EFR3B: variants seen among roughly 807,000 people sequenced by gnomAD.
EFR3B encodes protein EFR3 homolog B.
In EFR3B, 64 loss-of-function variants were observed where a neutral mutation model predicts 104.7. That is an observed-to-expected ratio of 0.61 (90% CI 0.50 to 0.75). The LOEUF is 0.75. Among genes scored for constraint, EFR3B ranks in the 30% least tolerant of loss-of-function variants. The pLI, the probability that EFR3B is intolerant of heterozygous loss-of-function variation, is 0.00. For synonymous variants in EFR3B, 385 were observed against 417.9 expected (o/e 0.92, Z 0.96); for missense variants, 750 against 1,078.5 (o/e 0.70, Z 4.27).
At chr2:25,081,417 A>T in intron 1 of EFR3B, 1 of 1,267,418 alleles carries the variant, frequency 7.9e-7, no homozygotes, top group Admixed American at 1.7e-5. Context: ...TTTCTTCTGT[A>T]CCTACTTTTT....
chr2:25,046,506 CTT>C (rs531667109), intron 1 of EFR3B, among the ~76,000 whole-genome samples: 148 of 119,068 alleles, frequency 1.2e-3, no homozygotes, highest in Middle Eastern at 4.2e-3. Flanking sequence ...AGTACAAAGT[CTT>C]TTTTTTTTTT....
rs551032820 is a variant in EFR3B at position 25,136,538 on chromosome 2, C to A, written c.1500C>A (p.Ile500=). Residue 500 remains isoleucine (I), a synonymous_variant, in exon 14 of 23, where the codon ATC becomes ATA. Transcript: ENST00000403714. This position sits in a 1 kb window ranked among gnomAD's most constrained non-coding sequence, Gnocchi z 4.0. The stretch of plus-strand genomic sequence containing the variant: ...CCCTTCCCAGTACCCTCAGTGACAT[C>A]TCTGTCCTGAAGCTGAAAGTGGACA... ...KFSTISTLSD[I]SVLKLKVDKC... The A allele has an allele frequency of 4.8e-5, 74 of 1,551,552 alleles. No homozygotes were observed. In the Admixed American group the frequency reaches 6.3e-4, roughly 13 times the overall value.
chr2:25,137,410 G>T lies in EFR3B; in HGVS notation c.1630G>T (p.Glu544Ter), dbSNP rs773895355. The T allele has an allele frequency of 6.4e-7, 1 of 1,551,874 alleles. No individual in the cohort carries two copies. The highest frequency in any genetic ancestry group is 2.0e-5 in the Admixed American group (1 of 50,994). The stretch of plus-strand genomic sequence containing the variant: ...GGAAACAAACGTGCAGAAACACTAC[G>T]AGGCGCTCTATGGCTTGCTGGCCCT... Reference protein sequence around the residue: ...KEETNVQKHYEALYGLLALIS... With the variant: ...KEETNVQKHY The change falls in exon 15 of 23, where the codon GAG becomes TAG. Residue 544 changes from glutamate (E) to a stop codon, truncating the protein, a stop_gained. Coordinates refer to ENST00000403714, the MANE Select transcript of EFR3B (RefSeq NM_014971.2). LOFTEE classifies it high-confidence loss of function. This position sits in a 1 kb window ranked among gnomAD's most constrained non-coding sequence, Gnocchi z 4.7.
intron 1 of EFR3B, among the ~76,000 whole-genome samples, chr2:25,086,773 A>G (rs1668961930): frequency 6.6e-6 from 1 of 152,072 alleles, no homozygotes; most frequent in Non-Finnish European, 1.5e-5. Flanking sequence ...TTGTATCTTT[A>G]GTAGAGGCAG....
intron 4 of EFR3B, among the ~76,000 whole-genome samples, chr2:25,113,878 A>G (rs1669791366): frequency 6.6e-6 from 1 of 152,076 alleles, no homozygotes; most frequent in African/African-American, 2.4e-5. Context: ...GGTTACCCCT[A>G]TTTGAAAGAC....
chr2:25,133,299 C>T lies in EFR3B; in HGVS notation c.1260-84C>T, dbSNP rs1170988356. 41 of 1,418,196 alleles carry T rather than the reference C, an allele frequency of 2.9e-5. 2 individuals carry two copies. The South Asian group carries it at 3.9e-4, about 14-fold the overall frequency. The allele number at this position is 1,418,196 out of a possible 1,614,324, so 87.9% of individuals were successfully genotyped here. ...CAACACGATAAGCCTCATGGAGAAA[C>T]GAATTGGGGTAGAACTAAGCTGGCA... On this transcript the variant is annotated intron_variant, in intron 11 of 22. Coordinates refer to ENST00000403714, the MANE Select transcript of EFR3B (RefSeq NM_014971.2).
chr2:25,154,386 G>A lies in EFR3B; in HGVS notation c.*46G>A. ...TCAAGGAGATGGGGTCTGAGGAGGG[G>A]CTCACCTCACGCCCACCCCGACCAC... is the stretch of plus-strand genomic sequence containing the variant. On this transcript the variant is annotated 3_prime_UTR_variant, in exon 23 of 23. Coordinates refer to ENST00000403714, the MANE Select transcript of EFR3B (RefSeq NM_014971.2). The surrounding 1 kb of genome is among the most constrained non-coding windows in gnomAD (Gnocchi z 4.1). 1.3e-6 allele frequency: 2 copies of A among 1,498,662 alleles called. No individual in the cohort carries two copies. Among genetic ancestry groups the A allele is most frequent in the East Asian group, 2.5e-5 (1 of 40,596 alleles). 92.8% of individuals were successfully genotyped at this position (1,498,662 alleles called of 1,614,324 possible).
chr2:25,097,885 T>C (rs1208860422), intron 3 of EFR3B, among the ~76,000 whole-genome samples: 3 of 152,060 alleles, frequency 2.0e-5, no homozygotes. Context: ...GAATGCCATA[T>C]AAGACGCCGT....
chr2:25,103,861 G>A lies in EFR3B; in HGVS notation c.363+74G>A, dbSNP rs566418877. On this transcript the variant is annotated intron_variant, in intron 4 of 22. Transcript: ENST00000403714. Reference sequence around the variant, plus strand: ...GGTGGCAGGGGAGAGGGAGACCTCGGGGTCGGCACTGTCATGTTCTGTTCC... The same window carrying A: ...GGTGGCAGGGGAGAGGGAGACCTCGAGGTCGGCACTGTCATGTTCTGTTCC... 14 of 1,526,228 alleles carry A rather than the reference G, an allele frequency of 9.2e-6. No individual in the cohort carries two copies. The African/African-American group carries it at 1.8e-4, about 19-fold the overall frequency. The allele number at this position is 1,526,228 out of a possible 1,614,324, so 94.5% of individuals were successfully genotyped here.
At chr2:25,105,340 G>A (rs13009406) in intron 4 of EFR3B, among the ~76,000 whole-genome samples, 51,416 of 151,872 alleles carry the variant, frequency 0.34, 10,006 homozygotes, top group Non-Finnish European at 0.46. Flanking sequence ...TAGAAGAGAC[G>A]GGGTTTCACC....
intron 20 of EFR3B, among the ~76,000 whole-genome samples, chr2:25,150,713 C>T (rs1670980098): frequency 6.6e-6 from 1 of 151,628 alleles, no homozygotes; most frequent in East Asian, 1.9e-4. Context: ...CAGGTTCAAG[C>T]AATTCTCCTG....
In EFR3B at chr2:25,128,482, G is replaced by A; in HGVS notation, c.635+150G>A. The A allele has an allele frequency of 5.8e-6, 6 of 1,036,246 alleles. No homozygotes were observed. The South Asian group carries it at 8.1e-5, about 14-fold the overall frequency. The allele number at this position is 1,036,246 out of a possible 1,614,324, so 64.2% of individuals were successfully genotyped here. A position where few individuals can be genotyped will look rare whatever the true frequency, so the allele number is the denominator to read the frequency against. ...TTGTTCTGCAGTGAGTCCAAAGCTGGCTCCCTAGAAGCCATGGGTCTGACT... is the reference window on the plus strand; with the variant it reads ...TTGTTCTGCAGTGAGTCCAAAGCTGACTCCCTAGAAGCCATGGGTCTGACT... On this transcript the variant is annotated intron_variant, in intron 6 of 22. Coordinates refer to ENST00000403714, the MANE Select transcript of EFR3B (RefSeq NM_014971.2).
Position 25,042,515 on chromosome 2 carries a change from G to A in EFR3B, c.7+196G>A. ...AAAGATGCCTCGGGCCGGGGACCCTGGGGTCCTCTCCAGGCCCGGCGCGTG... is the reference window on the plus strand; with the variant it reads ...AAAGATGCCTCGGGCCGGGGACCCTAGGGTCCTCTCCAGGCCCGGCGCGTG... On this transcript the variant is annotated intron_variant, in intron 1 of 22. Coordinates refer to ENST00000403714, the MANE Select transcript of EFR3B (RefSeq NM_014971.2). This position sits in a 1 kb window ranked among gnomAD's most constrained non-coding sequence, Gnocchi z 5.4. 8.3e-7 allele frequency: 1 copy of A among 1,207,940 alleles called. No individual in the cohort carries two copies. Among genetic ancestry groups the A allele is most frequent in the Non-Finnish European group, 1.0e-6 (1 of 972,852 alleles). 74.8% of individuals were successfully genotyped at this position (1,207,940 alleles called of 1,614,324 possible). A position where few individuals can be genotyped will look rare whatever the true frequency, so the allele number is the denominator to read the frequency against.
At chr2:25,048,857 T>A (rs1327825033) in intron 1 of EFR3B, among the ~76,000 whole-genome samples, 1 of 152,236 alleles carries the variant, frequency 6.6e-6, no homozygotes, top group Non-Finnish European at 1.5e-5. Flanking sequence ...GTGTCTTTTC[T>A]TTTATCTCTG....
In EFR3B at chr2:25,131,918, CGCGGGGCCGGGCCGGG is replaced by C; in HGVS notation, c.1147+15_1147+30del. ...GCCGTCATCAAGACCGTGGGTGCGG[CGCGGGGCCGGGCCGGG>C]GCGGGGCGGGGCCGAGGCGCGGAGT... On this transcript the variant is annotated splice_region_variant and intron_variant, in intron 10 of 22. Coordinates refer to ENST00000403714, the MANE Select transcript of EFR3B (RefSeq NM_014971.2). The surrounding 1 kb of genome is among the most constrained non-coding windows in gnomAD (Gnocchi z 7.6). 1 of 1,206,500 alleles carries C rather than the reference CGCGGGGCCGGGCCGGG, an allele frequency of 8.3e-7. No homozygotes were observed. Among genetic ancestry groups the C allele is most frequent in the Non-Finnish European group, 1.1e-6 (1 of 939,728 alleles). The allele number at this position is 1,206,500 out of a possible 1,614,324, so 74.7% of individuals were successfully genotyped here.
At chr2:25,085,667 G>T (rs537118411) in intron 1 of EFR3B, among the ~76,000 whole-genome samples, 2 of 152,006 alleles carry the variant, frequency 1.3e-5, no homozygotes, top group East Asian at 1.9e-4. Context: ...ATTTCACCAT[G>T]TTGGCCAGGC....
In EFR3B at chr2:25,139,104, T is replaced by C; in HGVS notation, c.1768T>C (p.Cys590Arg). The C allele has an allele frequency of 1.9e-6, 3 of 1,551,778 alleles. No individual in the cohort carries two copies. Among genetic ancestry groups the C allele is most frequent in the Non-Finnish European group, 2.6e-6 (3 of 1,147,002 alleles). The change falls in exon 16 of 23, where the codon TGT (cysteine) becomes CGT (arginine). Residue 590 changes from cysteine (C) to arginine (R), a missense_variant. Transcript: ENST00000403714. The stretch of plus-strand genomic sequence containing the variant: ...GGAGAACTTGCCTGTCTACAACCGC[T>C]GTGCCCTCTATGCTCTGGGCGCAGC... ...NEENLPVYNR[C>R]ALYALGAAYL...
At chr2:25,075,038 C>T (rs1489468973) in intron 1 of EFR3B, among the ~76,000 whole-genome samples, 2 of 152,334 alleles carry the variant, frequency 1.3e-5, no homozygotes, top group South Asian at 2.1e-4. Context: ...GAACATCCTG[C>T]GTAACTATAG....
chr2:25,063,494 C>G (rs1276977446), intron 1 of EFR3B, among the ~76,000 whole-genome samples: 1 of 152,062 alleles, frequency 6.6e-6, no homozygotes, highest in Non-Finnish European at 1.5e-5. Context: ...GTGTGAAGAC[C>G]CTGTAGTCGG....
Sources: allele counts gnomAD v4.1 joint callset (sites outside exome capture counted in the v4.1 genomes callset), GRCh38; gene constraint gnomAD v4.1.1; non-coding constraint Gnocchi (gnomAD v3.1); transcripts MANE v1.5; gene names NCBI Gene and HGNC (gene_info 2026-07-23, HGNC 2026-07-21).